Variants in DIP2A observed in about 807,000 individuals in gnomAD.
DIP2A encodes DIP2 acetate--CoA ligase A, also known as disco-interacting protein 2 homolog A.
In DIP2A, 85 loss-of-function variants were observed where a neutral mutation model predicts 177.4. The ratio of observed to expected loss-of-function variants is 0.48; its 90% CI spans 0.40 to 0.57. The LOEUF is 0.57. Ranked by LOEUF, DIP2A falls within the 20% of genes least tolerant of loss-of-function variation. The pLI is 0.00. For synonymous variants in DIP2A, 886 were observed against 881.8 expected (o/e 1.00, Z -0.08); for missense variants, 1,791 against 2,100.2 (o/e 0.85, Z 2.88).
intron 9 of DIP2A, among the ~76,000 whole-genome samples, chr21:46,531,332 G>C (rs796543666): frequency 3.3e-5 from 5 of 152,088 alleles, no homozygotes; most frequent in African/African-American, 1.2e-4. Context: ...CCCAGCTGAG[G>C]GAGTATTTTA....
At chr21:46,467,971 A>G (rs1293357815) in intron 1 of DIP2A, among the ~76,000 whole-genome samples, 2 of 152,028 alleles carry the variant, frequency 1.3e-5, no homozygotes, top group African/African-American at 2.4e-5. Context: ...GCTAAAAAAT[A>G]TGAAAATTAG....
At chr21:46,519,613 C>T (rs577860466) in intron 8 of DIP2A, among the ~76,000 whole-genome samples, 1 of 152,158 alleles carries the variant, frequency 6.6e-6, no homozygotes, top group African/African-American at 2.4e-5. Context: ...TTCATAACGC[C>T]AAGAAAATTT....
Position 46,568,449 on chromosome 21 carries a change from G to A in DIP2A, c.*827G>A, listed in dbSNP as rs1236356818. 1 of 152,150 alleles carries A rather than the reference G, an allele frequency of 6.6e-6. No homozygotes were observed. Among genetic ancestry groups the A allele is most frequent in the African/African-American group, 2.4e-5 (1 of 41,424 alleles). The allele number at this position is 152,150 out of a possible 1,614,324, so 9.4% of individuals were successfully genotyped here. On this transcript the variant is annotated 3_prime_UTR_variant, in exon 38 of 38. Transcript: ENST00000417564. ...GCAGGAGAATGGTATGAACCAGGGA[G>A]GCGGAGCTTGCAGTGAGCCGAGATC... is the stretch of plus-strand genomic sequence containing the variant.
chr21:46,462,143 C>G (rs2054374810), intron 1 of DIP2A, among the ~76,000 whole-genome samples: 1 of 152,186 alleles, frequency 6.6e-6, no homozygotes, highest in African/African-American at 2.4e-5. Flanking sequence ...TTTCCCTGCT[C>G]CTAGACTGGC....
intron 25 of DIP2A, among the ~76,000 whole-genome samples, chr21:46,552,453 A>C (rs1234860907): frequency 6.6e-6 from 1 of 152,206 alleles, no homozygotes; most frequent in Non-Finnish European, 1.5e-5. Flanking sequence ...TGTAATCTTC[A>C]TATTCAGGTT....
chr21:46,522,191 T>A (rs2058853621), intron 8 of DIP2A, among the ~76,000 whole-genome samples: 1 of 152,256 alleles, frequency 6.6e-6, no homozygotes, highest in Non-Finnish European at 1.5e-5. Context: ...GGCATTACAG[T>A]TTTAATTTTT....
chr21:46,518,801 G>A (rs1370363431), intron 8 of DIP2A, among the ~76,000 whole-genome samples: 1 of 152,236 alleles, frequency 6.6e-6, no homozygotes, highest in Non-Finnish European at 1.5e-5. Context: ...AGGTTACAGT[G>A]AGCCAAGATT....
intron 28 of DIP2A, 137 bp downstream of exon 28, chr21:46,555,070 C>A: frequency 1.1e-6 from 1 of 885,642 alleles, no homozygotes; most frequent in South Asian, 1.6e-5. Flanking sequence ...GCAGGGGGTG[C>A]CCCGGGCCCT....
Position 46,529,082 on chromosome 21 carries a change from T to C in DIP2A, c.1103-10T>C, listed in dbSNP as rs1159666980. The C allele has an allele frequency of 4.1e-6, 6 of 1,465,608 alleles. No individual in the cohort carries two copies. Among genetic ancestry groups the C allele is most frequent in the Non-Finnish European group, 5.5e-6 (6 of 1,095,866 alleles). The allele number at this position is 1,465,608 out of a possible 1,614,324, so 90.8% of individuals were successfully genotyped here. On this transcript the variant is annotated splice_polypyrimidine_tract_variant and intron_variant, in intron 8 of 37. Transcript: ENST00000417564. ...ATTTTACATTGCTTAGTATTTTTAT[T>C]TTGTTTTAGGTAAACTTTGGAGTCG...
chr21:46,545,818 G>T (rs954564571), intron 19 of DIP2A, 63 bp from the exon 20 acceptor site: 21 of 1,583,272 alleles, frequency 1.3e-5, no homozygotes, highest in East Asian at 4.5e-5. Context: ...CCGCCTGCTG[G>T]GTCTTTTTGG....
At position 46,498,903 on chromosome 21, in the gene DIP2A, G is replaced by A; in HGVS notation, c.655+70G>A. ...CAGGAGTGTCCAGGACAGAGGAGCAGATGGAGGGCACCTGAGCCAGGCGCC... is the reference window on the plus strand; with the variant it reads ...CAGGAGTGTCCAGGACAGAGGAGCAAATGGAGGGCACCTGAGCCAGGCGCC... On this transcript the variant is annotated intron_variant, in intron 5 of 37. Transcript: ENST00000417564. This position sits in a 1 kb window ranked among gnomAD's most constrained non-coding sequence, Gnocchi z 4.3. 1.2e-5 allele frequency: 18 copies of A among 1,485,758 alleles called. 2 individuals carry two copies. In the Middle Eastern group the frequency reaches 2.8e-3, roughly 231 times the overall value. The allele number at this position is 1,485,758 out of a possible 1,614,324, so 92.0% of individuals were successfully genotyped here.
At chr21:46,525,963 C>T (rs2059065105) in intron 8 of DIP2A, among the ~76,000 whole-genome samples, 1 of 150,898 alleles carries the variant, frequency 6.6e-6, no homozygotes, top group Non-Finnish European at 1.5e-5. Context: ...GGCTGGAGTG[C>T]AATGGCACAA....
Position 46,504,462 on chromosome 21 carries a change from A to G in DIP2A, c.757A>G (p.Ser253Gly). The G allele has an allele frequency of 6.2e-7, 1 of 1,612,198 alleles. No individual in the cohort carries two copies. Among genetic ancestry groups the G allele is most frequent in the Non-Finnish European group, 8.5e-7 (1 of 1,178,812 alleles). ...ASVRSVPRGC[S>G]GSMLETADGV... Reference sequence around the variant, plus strand: ...TGTGAGAAGTGTTCCTCGGGGGTGCAGCGGGAGCATGCTGGAAACAGCAGA... The same window carrying G: ...TGTGAGAAGTGTTCCTCGGGGGTGCGGCGGGAGCATGCTGGAAACAGCAGA... The change falls in exon 6 of 38, where the codon AGC (serine) becomes GGC (glycine). Residue 253 changes from serine to glycine, a missense_variant. Physicochemically the swap from Ser to Gly is moderately conservative, Grantham distance 56. Transcript: ENST00000417564.
chr21:46,497,195 A>G, intron 4 of DIP2A, 88 bp downstream of exon 4: 2 of 1,486,376 alleles, frequency 1.3e-6, no homozygotes, highest in East Asian at 2.4e-5. Flanking sequence ...GAGTTGGAAT[A>G]TCCGTCTGGC....
intron 1 of DIP2A, among the ~76,000 whole-genome samples, chr21:46,464,674 A>T (rs1470182469): frequency 6.6e-6 from 1 of 152,110 alleles, no homozygotes; most frequent in Non-Finnish European, 1.5e-5. Context: ...GGCCAAAATC[A>T]TCCTTTTGTC....
chr21:46,518,790 G>C (rs908106186), intron 8 of DIP2A, among the ~76,000 whole-genome samples: 3 of 152,248 alleles, frequency 2.0e-5, no homozygotes, highest in African/African-American at 7.2e-5. Flanking sequence ...CCAGGAGGTG[G>C]AGGTTACAGT....
intron 8 of DIP2A, among the ~76,000 whole-genome samples, chr21:46,522,062 A>T (rs1408187867): frequency 6.6e-6 from 1 of 152,238 alleles, no homozygotes. Flanking sequence ...AGCAAACCTA[A>T]TATCTGACCT....
chr21:46,533,405 G>T, intron 10 of DIP2A, 119 bp from the exon 11 acceptor site: 4 of 1,235,700 alleles, frequency 3.2e-6, no homozygotes, highest in Non-Finnish European at 4.3e-6. Flanking sequence ...AATTATTCTG[G>T]AAGTTTTATG....
At position 46,557,450 on chromosome 21, in the gene DIP2A, C is replaced by T. The variant is rs1053719394; in HGVS notation, c.3630-135C>T. 4.5e-6 allele frequency: 5 copies of T among 1,109,834 alleles called. No individual in the cohort carries two copies. In the African/African-American group the frequency reaches 4.7e-5, roughly 10 times the overall value. The allele number at this position is 1,109,834 out of a possible 1,614,324, so 68.7% of individuals were successfully genotyped here. A position where few individuals can be genotyped will look rare whatever the true frequency, so the allele number is the denominator to read the frequency against. On this transcript the variant is annotated intron_variant, in intron 30 of 37. Coordinates refer to ENST00000417564, the MANE Select transcript of DIP2A (RefSeq NM_015151.4). The surrounding 1 kb of genome is among the most constrained non-coding windows in gnomAD (Gnocchi z 6.0). ...ACCCTGTGGCATGTTTTCCACCAAA[C>T]CCCCCCACTTGGCGTCAGAACAGAA... is the stretch of plus-strand genomic sequence containing the variant.
Sources: gnomAD v4.1 joint callset for allele counts (sites outside exome capture counted in the v4.1 genomes callset) on GRCh38, gnomAD v4.1.1 for gene constraint, Gnocchi (gnomAD v3.1) non-coding constraint, MANE v1.5 for transcripts, NCBI Gene and HGNC (gene_info 2026-07-23, HGNC 2026-07-21) for gene names.